Variants in GRM5 observed in about 807,000 individuals in gnomAD.
The protein encoded by GRM5 is glutamate metabotropic receptor 5.
Under a neutral mutation model 83.1 loss-of-function variants are expected in GRM5, and 19 were observed. The ratio of observed to expected loss-of-function variants is 0.23; its 90% CI spans 0.16 to 0.34. The LOEUF (loss-of-function observed/expected upper bound fraction) is 0.34, where lower values mean the gene tolerates loss of function less well. Among genes scored for constraint, GRM5 ranks in the 10% least tolerant of loss-of-function variants. The probability of loss-of-function intolerance (pLI) is 1.00; values close to 1 mark genes in which losing one functional copy is unlikely to be tolerated. For synonymous variants in GRM5, 675 were observed against 633.6 expected, an observed-to-expected ratio of 1.07 and a Z score of -0.98; for missense variants, 1,160 against 1,588.3, an observed-to-expected ratio of 0.73 and a Z score of 4.58.
intron 1 of GRM5, among the ~76,000 whole-genome samples, chr11:89,060,705 C>T (rs540550692): frequency 6.6e-6 from 1 of 152,118 alleles, no homozygotes; most frequent in South Asian, 2.1e-4. Context: ...TTTTCATCTC[C>T]TATGAATTTA....
chr11:88,980,720 G>A lies in GRM5; in HGVS notation c.661+66492C>T, dbSNP rs1939494295. On this transcript the variant is annotated intron_variant, in intron 2 of 9. Coordinates refer to ENST00000305447, the MANE Select transcript of GRM5 (RefSeq NM_001143831.3). ...TGCCTGTAGTCCCAGCTACTTGGGA[G>A]GCTGATGCAGGAGAATGGCATGAAC... 4.6e-5 allele frequency among the ~76,000 whole-genome samples: 7 copies of A among 152,172 alleles called. No homozygotes were observed. The South Asian group carries it at 1.2e-3, about 27-fold the overall frequency.
intron 3 of GRM5, among the ~76,000 whole-genome samples, chr11:88,778,168 C>A (rs567936490): frequency 1.6e-4 from 25 of 152,290 alleles, no homozygotes; most frequent in African/African-American, 2.2e-4. Flanking sequence ...AATGGCGACA[C>A]CCCTCCCCCA....
At chr11:89,046,047 T>C (rs1941635580) in intron 2 of GRM5, among the ~76,000 whole-genome samples, 1 of 152,186 alleles carries the variant, frequency 6.6e-6, no homozygotes, top group African/African-American at 2.4e-5. Context: ...TGAATTATGA[T>C]TATGTAAGTA....
chr11:89,003,274 C>A (rs1201243518), intron 2 of GRM5, among the ~76,000 whole-genome samples: 1 of 151,994 alleles, frequency 6.6e-6, no homozygotes, highest in Non-Finnish European at 1.5e-5. Context: ...GGACGGATAA[C>A]CGCAGTACAA....
At chr11:88,590,477 G>T in intron 7 of GRM5, 124 bp downstream of exon 7, 2 of 738,888 alleles carry the variant, frequency 2.7e-6, no homozygotes. Context: ...GTGTTCCCAA[G>T]GAAATTATTT....
chr11:88,864,319 A>G (rs1248114966), intron 2 of GRM5, among the ~76,000 whole-genome samples: 2 of 151,734 alleles, frequency 1.3e-5, no homozygotes, highest in African/African-American at 2.4e-5. Flanking sequence ...TACACTGGCA[A>G]TAATAGGTTA....
chr11:88,964,256 A>G (rs1938876698), intron 2 of GRM5, among the ~76,000 whole-genome samples: 2 of 152,168 alleles, frequency 1.3e-5, no homozygotes, highest in Non-Finnish European at 2.9e-5. Context: ...CACAATAGCA[A>G]AAATCGAATT....
chr11:88,656,553 A>T (rs1431855281), intron 3 of GRM5, among the ~76,000 whole-genome samples: 2 of 152,094 alleles, frequency 1.3e-5, no homozygotes, highest in African/African-American at 4.8e-5. Context: ...TTCAGTTTTC[A>T]TACTACAAAC....
chr11:88,996,020 C>G (rs1213120607), intron 2 of GRM5, among the ~76,000 whole-genome samples: 4 of 151,986 alleles, frequency 2.6e-5, no homozygotes, highest in African/African-American at 9.7e-5. Flanking sequence ...AAAGAAAAAC[C>G]TCACAGAGAA....
intron 3 of GRM5, among the ~76,000 whole-genome samples, chr11:88,716,348 C>T (rs780233861): frequency 3.3e-5 from 5 of 151,680 alleles, no homozygotes; most frequent in African/African-American, 4.8e-5. Context: ...TTTGCTTAAG[C>T]GATGATTATT....
chr11:88,578,604 A>G (rs1346155318), intron 7 of GRM5, among the ~76,000 whole-genome samples: 1 of 152,204 alleles, frequency 6.6e-6, no homozygotes, highest in Non-Finnish European at 1.5e-5. Flanking sequence ...AAGTTCCACT[A>G]AGAGAGGGGC....
chr11:88,996,579 G>T (rs1940192569), intron 2 of GRM5, among the ~76,000 whole-genome samples: 1 of 152,176 alleles, frequency 6.6e-6, no homozygotes, highest in Non-Finnish European at 1.5e-5. Context: ...ACATTTTAGT[G>T]GGGTACTTCC....
At chr11:88,851,111 G>A (rs1438874096) in intron 2 of GRM5, among the ~76,000 whole-genome samples, 1 of 151,788 alleles carries the variant, frequency 6.6e-6, no homozygotes, top group African/African-American at 2.4e-5. Flanking sequence ...CCCTCTACTT[G>A]TCTAAGGCTG....
At chr11:88,724,907 G>A (rs75162170) in intron 3 of GRM5, among the ~76,000 whole-genome samples, 4,853 of 152,194 alleles carry the variant, frequency 0.032, 252 homozygotes, top group African/African-American at 0.11. Context: ...TTCACAACCC[G>A]CAGACCAGAG....
chr11:88,835,363 G>A (rs1031691324), intron 3 of GRM5, among the ~76,000 whole-genome samples: 38 of 152,210 alleles, frequency 2.5e-4, no homozygotes, highest in African/African-American at 9.2e-4. Context: ...GCAGTGGGAA[G>A]GTGCAGAAGT....
At chr11:88,774,873 T>G (rs370461868) in intron 3 of GRM5, among the ~76,000 whole-genome samples, 1 of 152,296 alleles carries the variant, frequency 6.6e-6, no homozygotes, top group Middle Eastern at 3.4e-3. Flanking sequence ...ATTTTTGCAT[T>G]GATGTTCATC....
intron 1 of GRM5, among the ~76,000 whole-genome samples, chr11:89,053,538 T>C (rs911207102): frequency 6.6e-5 from 10 of 152,148 alleles, no homozygotes; most frequent in Admixed American, 5.2e-4. Context: ...AGCACACCCT[T>C]CTATGCCCCA....
intron 9 of GRM5, among the ~76,000 whole-genome samples, chr11:88,521,737 A>G (rs1941696728): frequency 6.6e-6 from 1 of 152,154 alleles, no homozygotes; most frequent in Non-Finnish European, 1.5e-5. Flanking sequence ...CTCTTCACAT[A>G]AAGGGAAAAC....
chr11:89,047,613 G>A lies in GRM5; in HGVS notation c.260C>T (p.Pro87Leu), dbSNP rs769685723. 7.4e-6 allele frequency: 12 copies of A among 1,614,096 alleles called. No individual in the cohort carries two copies. The highest frequency in any genetic ancestry group is 9.3e-6 in the Non-Finnish European group (11 of 1,179,990). The change falls in exon 2 of 10, where the codon CCC becomes CTC. Residue 87 changes from proline to leucine, a missense_variant. Coordinates refer to ENST00000305447, the MANE Select transcript of GRM5 (RefSeq NM_001143831.3). This position sits in a 1 kb window ranked among gnomAD's most constrained non-coding sequence, Gnocchi z 5.1. ...ERINSDPTLL[P>L]NITLGCEIRD... ...TATCTCACAGCCCAGTGTGATGTTG[G>A]GCAAGAGTGTGGGGTCTGAATTGAT...
Sources: allele counts gnomAD v4.1 joint callset (sites outside exome capture counted in the v4.1 genomes callset), GRCh38; gene constraint gnomAD v4.1.1; non-coding constraint Gnocchi (gnomAD v3.1); transcripts MANE v1.5; gene names NCBI Gene and HGNC (gene_info 2026-07-23, HGNC 2026-07-21).